Variants in AGFG1 observed in about 807,000 individuals in gnomAD.
AGFG1 encodes the protein arf-GAP domain and FG repeat-containing protein 1.
AGFG1 carries 10 observed loss-of-function variants against 60.6 expected under a neutral mutation model. That is an observed-to-expected ratio of 0.16 (90% CI 0.10 to 0.28). The LOEUF (loss-of-function observed/expected upper bound fraction) is 0.28, where lower values mean the gene tolerates loss of function less well. Among genes scored for constraint, AGFG1 ranks in the 10% least tolerant of loss-of-function variants. The pLI is 1.00. For synonymous variants in AGFG1, 247 were observed against 242.9 expected (o/e 1.02, Z -0.16); for missense variants, 537 against 676.5 (o/e 0.79, Z 2.29).
At chr2:227,512,087 G>T (rs1691512834) in intron 2 of AGFG1, among the ~76,000 whole-genome samples, 1 of 152,148 alleles carries the variant, frequency 6.6e-6, no homozygotes, top group Non-Finnish European at 1.5e-5. Context: ...AAATAAACAA[G>T]TCGGATTTCA....
At chr2:227,495,084 T>A (rs994608278) in intron 2 of AGFG1, among the ~76,000 whole-genome samples, 1 of 152,214 alleles carries the variant, frequency 6.6e-6, no homozygotes, top group African/African-American at 2.4e-5. Flanking sequence ...GGAGGAGATA[T>A]GTATATCATT....
intron 2 of AGFG1, among the ~76,000 whole-genome samples, chr2:227,514,124 C>T (rs896055945): frequency 3.9e-5 from 6 of 152,196 alleles, no homozygotes; most frequent in African/African-American, 1.4e-4. Context: ...TAAGACCACC[C>T]TTCCCAGTCA....
At chr2:227,503,554 C>T (rs1691221183) in intron 2 of AGFG1, among the ~76,000 whole-genome samples, 1 of 152,164 alleles carries the variant, frequency 6.6e-6, no homozygotes, top group African/African-American at 2.4e-5. Context: ...TTTTCTCTCC[C>T]TTCCTTCCTC....
rs116403984 is a variant in AGFG1 at position 227,491,893 on chromosome 2, C to T, written c.261+253C>T. ...AGTCATCAGTCTTGAATATAAAAGG[C>T]GTTTCGGAGGACACCCATTATTACA... is the stretch of plus-strand genomic sequence containing the variant. On this transcript the variant is annotated intron_variant, in intron 2 of 12. Transcript: ENST00000310078. Among the ~76,000 whole-genome samples, 327 of 152,170 alleles carry T rather than the reference C, an allele frequency of 2.1e-3. 2 individuals are homozygous for T. The highest frequency in any genetic ancestry group is 7.6e-3 in the African/African-American group (314 of 41,500).
intron 2 of AGFG1, among the ~76,000 whole-genome samples, chr2:227,494,780 C>T (rs1051009649): frequency 6.6e-6 from 1 of 152,156 alleles, no homozygotes; most frequent in East Asian, 1.9e-4. Context: ...AGTTGAACAT[C>T]CTATTGCCAA....
chr2:227,476,170 G>A (rs1017156558), intron 1 of AGFG1, among the ~76,000 whole-genome samples: 1 of 152,056 alleles, frequency 6.6e-6, no homozygotes, highest in Non-Finnish European at 1.5e-5. Context: ...GTTAGATGCA[G>A]TTAAACTATT....
intron 7 of AGFG1, 47 bp from the exon 8 acceptor site, chr2:227,534,798 A>C (rs1692260431): frequency 6.3e-7 from 1 of 1,596,636 alleles, no homozygotes; most frequent in African/African-American, 1.3e-5. Flanking sequence ...ATAAGTTGAA[A>C]GTGTAACTTT....
intron 6 of AGFG1, among the ~76,000 whole-genome samples, chr2:227,532,653 T>C (rs1323482516): frequency 6.6e-6 from 1 of 152,194 alleles, no homozygotes; most frequent in African/African-American, 2.4e-5. Context: ...TTTAAAATTA[T>C]CTGTAGTTGT....
chr2:227,548,403 G>A (rs933752401), intron 10 of AGFG1, among the ~76,000 whole-genome samples: 3 of 152,198 alleles, frequency 2.0e-5, no homozygotes, highest in African/African-American at 7.2e-5. Flanking sequence ...CAGGACCAGA[G>A]CTTGGGGGGC....
chr2:227,512,292 G>T (rs1691517072), intron 2 of AGFG1, among the ~76,000 whole-genome samples: 1 of 152,190 alleles, frequency 6.6e-6, no homozygotes, highest in African/African-American at 2.4e-5. Flanking sequence ...TCCTAAAAAA[G>T]ATGTATGTAA....
chr2:227,485,062 T>C (rs1690585092), intron 1 of AGFG1, among the ~76,000 whole-genome samples: 1 of 152,008 alleles, frequency 6.6e-6, no homozygotes, highest in South Asian at 2.1e-4. Flanking sequence ...ATTTTGATCT[T>C]ATACTTCAAA....
chr2:227,528,167 A>G (rs1237426847), intron 5 of AGFG1, among the ~76,000 whole-genome samples: 1 of 152,230 alleles, frequency 6.6e-6, no homozygotes, highest in African/African-American at 2.4e-5. Context: ...TTTGTTTTAA[A>G]TATTAATAAA....
intron 2 of AGFG1, among the ~76,000 whole-genome samples, chr2:227,497,165 T>TC (rs11422803): frequency 0.12 from 16,788 of 137,356 alleles, 1,230 homozygotes; most frequent in Admixed American, 0.22. Flanking sequence ...CACCCCCTCT[T>TC]CCCCCCCCAC....
At chr2:227,477,050 C>T (rs780786446) in intron 1 of AGFG1, among the ~76,000 whole-genome samples, 10 of 152,028 alleles carry the variant, frequency 6.6e-5, no homozygotes, top group South Asian at 4.2e-4. Context: ...TACAGGCGCC[C>T]GCCACCATGC....
At chr2:227,528,536 T>C (rs888232913) in intron 5 of AGFG1, among the ~76,000 whole-genome samples, 1 of 152,222 alleles carries the variant, frequency 6.6e-6, no homozygotes, top group African/African-American at 2.4e-5. Flanking sequence ...AGCCAATAAA[T>C]AGAGTAAAAC....
chr2:227,514,580 G>C (rs1025103364), intron 2 of AGFG1, among the ~76,000 whole-genome samples: 2 of 152,098 alleles, frequency 1.3e-5, no homozygotes, highest in South Asian at 2.1e-4. Context: ...CTATGAAATA[G>C]GTTATATTAT....
intron 10 of AGFG1, among the ~76,000 whole-genome samples, chr2:227,544,076 C>T (rs1471652273): frequency 9.9e-5 from 15 of 151,046 alleles, no homozygotes; most frequent in South Asian, 2.1e-4. Context: ...TGTCTCTGCA[C>T]GTGAGATGGG....
intron 1 of AGFG1, among the ~76,000 whole-genome samples, chr2:227,477,942 T>A (rs913110726): frequency 5.3e-5 from 8 of 152,080 alleles, no homozygotes; most frequent in Non-Finnish European, 1.0e-4. Flanking sequence ...ATCATAAATG[T>A]TTGTTTTATG....
chr2:227,487,717 A>G (rs369865020), intron 1 of AGFG1, among the ~76,000 whole-genome samples: 182 of 108,768 alleles, frequency 1.7e-3, no homozygotes, highest in African/African-American at 6.3e-3. Context: ...GAGACTACTC[A>G]TGTTTTGGCA....
Sources: allele counts gnomAD v4.1 joint callset (sites outside exome capture counted in the v4.1 genomes callset), GRCh38; gene constraint gnomAD v4.1.1; transcripts MANE v1.5; gene names NCBI Gene and HGNC (gene_info 2026-07-23, HGNC 2026-07-21).